The following TLN2 variants were observed in gnomAD, a reference collection of about 807,000 sequenced individuals.
TLN2 encodes talin 2.
TLN2 carries 118 observed loss-of-function variants against 294.7 expected under a neutral mutation model. The ratio of observed to expected loss-of-function variants is 0.40; its 90% CI spans 0.34 to 0.47. The LOEUF (loss-of-function observed/expected upper bound fraction) is 0.47, where lower values mean the gene tolerates loss of function less well. Among genes scored for constraint, TLN2 ranks in the 20% least tolerant of loss-of-function variants. TLN2 has a pLI of 0.84. For synonymous variants in TLN2, 1,431 were observed against 1,304.5 expected, an observed-to-expected ratio of 1.10 and a Z score of -2.09; for missense variants, 3,083 against 3,282.2, an observed-to-expected ratio of 0.94 and a Z score of 1.48.
At position 62,647,420 on chromosome 15, in the gene TLN2, G is replaced by A. The variant is rs746576084; in HGVS notation, c.110G>A (p.Arg37Gln). 13 of 1,614,158 alleles carry A rather than the reference G, an allele frequency of 8.1e-6. 1 individual carries two copies. The highest frequency in any genetic ancestry group is 5.5e-5 in the South Asian group (5 of 91,080). Reference protein sequence around the residue: ...VYDACRVIRERVPEAQTGQAS... With the variant: ...VYDACRVIREQVPEAQTGQAS... ...GATGCGTGTCGAGTCATTCGGGAACGGGTGCCTGAGGCACAAACTGGGCAA... is the reference window on the plus strand; with the variant it reads ...GATGCGTGTCGAGTCATTCGGGAACAGGTGCCTGAGGCACAAACTGGGCAA... Residue 37 changes from arginine (R) to glutamine (Q), a missense_variant, in exon 4 of 59, where the codon CGG becomes CAG. Coordinates refer to ENST00000636159, the MANE Select transcript of TLN2 (RefSeq NM_015059.3).
At chr15:62,819,944 C>T (rs1206185858) in intron 53 of TLN2, among the ~76,000 whole-genome samples, 1 of 152,128 alleles carries the variant, frequency 6.6e-6, no homozygotes, top group African/African-American at 2.4e-5. Flanking sequence ...ATTTATTCTC[C>T]TTCAAATAGT....
intron 1 of TLN2, among the ~76,000 whole-genome samples, chr15:62,584,483 G>A (rs74662896): frequency 0.015 from 2,293 of 152,270 alleles, 61 homozygotes; most frequent in African/African-American, 0.053. Context: ...GGGTGTTGAC[G>A]CTGTCTACTT....
rs540050711 is a variant in TLN2 at position 62,799,847 on chromosome 15, C to T, written c.6235-521C>T. Among the ~76,000 whole-genome samples the T allele has an allele frequency of 2.0e-5, 3 of 152,320 alleles. No homozygotes were observed. The East Asian group carries it at 5.8e-4, about 29-fold the overall frequency. On this transcript the variant is annotated intron_variant, in intron 48 of 58. Coordinates refer to ENST00000636159, the MANE Select transcript of TLN2 (RefSeq NM_015059.3). Reference sequence around the variant, plus strand: ...CCAAGTGATGGAAAGAGCTGAGTCCCAGTTAGAACAATGAGCAAAGGTCCG... The same window carrying T: ...CCAAGTGATGGAAAGAGCTGAGTCCTAGTTAGAACAATGAGCAAAGGTCCG...
Position 62,453,398 on chromosome 15 carries a change from A to G in TLN2, c.-238+62713A>G, listed in dbSNP as rs1463382426. On this transcript the variant is annotated intron_variant, in intron 1 of 58. Transcript: ENST00000636159. ...AATGAGAATATGATCTGCACATGGCAGGTGCCAAAAGTGTGCTCTAATACA... is the reference window on the plus strand; with the variant it reads ...AATGAGAATATGATCTGCACATGGCGGGTGCCAAAAGTGTGCTCTAATACA... 2.0e-5 allele frequency among the ~76,000 whole-genome samples: 3 copies of G among 152,192 alleles called. No homozygotes were observed. In the East Asian group the frequency reaches 5.8e-4, roughly 30 times the overall value.
chr15:62,511,242 G>GT (rs2140452230), intron 1 of TLN2, among the ~76,000 whole-genome samples: 1 of 152,302 alleles, frequency 6.6e-6, no homozygotes, highest in African/African-American at 2.4e-5. Context: ...CTTCCGATGA[G>GT]TCTATTAGTG....
intron 11 of TLN2, among the ~76,000 whole-genome samples, chr15:62,678,211 C>T (rs2056447658): frequency 6.6e-6 from 1 of 151,874 alleles, no homozygotes; most frequent in Non-Finnish European, 1.5e-5. Context: ...CTCAGTGGGC[C>T]CATTAGTATG....
chr15:62,534,483 G>A (rs914194308), intron 1 of TLN2, among the ~76,000 whole-genome samples: 10 of 152,268 alleles, frequency 6.6e-5, no homozygotes, highest in Middle Eastern at 3.4e-3. Flanking sequence ...AGCTTGGAGC[G>A]TCCATGCCCA....
chr15:62,605,067 A>C (rs937955769), intron 2 of TLN2, among the ~76,000 whole-genome samples: 1 of 152,206 alleles, frequency 6.6e-6, no homozygotes, highest in African/African-American at 2.4e-5. Flanking sequence ...GATGTAAATG[A>C]AAAGTGCATT....
At position 62,701,965 on chromosome 15, in the gene TLN2, G is replaced by A. The variant is rs781627944; in HGVS notation, c.1697-27G>A. On this transcript the variant is annotated intron_variant, in intron 17 of 58. Coordinates refer to ENST00000636159, the MANE Select transcript of TLN2 (RefSeq NM_015059.3). ...TCACCAGAACCATGTGCCCTCCTTTGATGGGGATGGTTCTTTTCTGTGCCA... is the reference window on the plus strand; with the variant it reads ...TCACCAGAACCATGTGCCCTCCTTTAATGGGGATGGTTCTTTTCTGTGCCA... The A allele has an allele frequency of 4.3e-6, 7 of 1,611,818 alleles. No homozygotes were observed. In the Admixed American group the frequency reaches 1.0e-4, roughly 23 times the overall value.
intron 1 of TLN2, among the ~76,000 whole-genome samples, chr15:62,399,132 C>T (rs1051557173): frequency 2.0e-5 from 3 of 151,974 alleles, no homozygotes; most frequent in African/African-American, 7.3e-5. Flanking sequence ...GTTGGTCCTG[C>T]AGGCGTGCAG....
intron 2 of TLN2, among the ~76,000 whole-genome samples, chr15:62,597,313 G>T (rs1327127417): frequency 4.6e-5 from 7 of 152,114 alleles, no homozygotes; most frequent in Admixed American, 4.6e-4. Context: ...CCAGTAAGTG[G>T]TATTTCCTCT....
intron 3 of TLN2, among the ~76,000 whole-genome samples, chr15:62,636,359 C>G (rs558023970): frequency 6.6e-6 from 1 of 152,048 alleles, no homozygotes; most frequent in South Asian, 2.1e-4. Flanking sequence ...AAATGAGGAG[C>G]CTTTGGAAAA....
chr15:62,790,884 T>C (rs1247823280), intron 45 of TLN2, among the ~76,000 whole-genome samples: 1 of 152,250 alleles, frequency 6.6e-6, no homozygotes, highest in Non-Finnish European at 1.5e-5. Context: ...TCCAGATCTG[T>C]TTGCAGAGCT....
chr15:62,701,882 C>G, intron 17 of TLN2, 110 bp from the exon 18 acceptor site: 1 of 1,252,136 alleles, frequency 8.0e-7, no homozygotes, highest in Non-Finnish European at 1.1e-6. Flanking sequence ...AGCTTGGTGT[C>G]TGACTCCTGC....
At chr15:62,507,204 T>C (rs2039667653) in intron 1 of TLN2, among the ~76,000 whole-genome samples, 1 of 152,224 alleles carries the variant, frequency 6.6e-6, no homozygotes, top group Admixed American at 6.5e-5. Flanking sequence ...GATACTGTTC[T>C]TTTTACTTCT....
chr15:62,598,207 G>A (rs962333072), intron 2 of TLN2, among the ~76,000 whole-genome samples: 1 of 152,222 alleles, frequency 6.6e-6, no homozygotes, highest in Non-Finnish European at 1.5e-5. Flanking sequence ...TAGACCCTGG[G>A]TGGGTGACTT....
intron 2 of TLN2, among the ~76,000 whole-genome samples, chr15:62,600,075 G>T (rs1216505695): frequency 6.6e-6 from 1 of 152,206 alleles, no homozygotes; most frequent in Admixed American, 6.5e-5. Flanking sequence ...CTTTCCAAGA[G>T]GAGGTGGGAT....
chr15:62,815,019 G>GA (rs1051758742), intron 52 of TLN2, among the ~76,000 whole-genome samples: 67 of 152,272 alleles, frequency 4.4e-4, no homozygotes, highest in African/African-American at 1.6e-3. Context: ...ATGACAATCA[G>GA]AAAATGAAAG....
intron 42 of TLN2, among the ~76,000 whole-genome samples, chr15:62,776,179 C>T (rs1350208651): frequency 1.3e-5 from 2 of 152,120 alleles, no homozygotes; most frequent in Admixed American, 1.3e-4. Flanking sequence ...CACCTACTTC[C>T]TAATATGGTC....
Sources: allele counts gnomAD v4.1 joint callset (sites outside exome capture counted in the v4.1 genomes callset), GRCh38; gene constraint gnomAD v4.1.1; transcripts MANE v1.5; gene names NCBI Gene and HGNC (gene_info 2026-07-23, HGNC 2026-07-21).